Variants in CELF3 observed in about 807,000 individuals in gnomAD.
CELF3 encodes the protein CAG repeat domain.
Under a neutral mutation model 59.6 loss-of-function variants are expected in CELF3, and 26 were observed. That is an observed-to-expected ratio of 0.44 (90% CI 0.32 to 0.61). The LOEUF is 0.61. CELF3 is among the 20% of genes least tolerant of loss of function. CELF3 has a pLI of 0.06. For missense variants in CELF3, 387 were observed against 627.2 expected, an observed-to-expected ratio of 0.62 and a Z score of 4.09; for synonymous variants, 245 against 250.7, an observed-to-expected ratio of 0.98 and a Z score of 0.22.
chr1:151,716,477 G>T lies in CELF3; in HGVS notation c.-457C>A, dbSNP rs1673489114. 6.5e-6 allele frequency: 2 copies of T among 305,846 alleles called. No individual in the cohort carries two copies. The highest frequency in any genetic ancestry group is 5.7e-5 in the South Asian group (2 of 35,246). 18.9% of individuals were successfully genotyped at this position (305,846 alleles called of 1,614,324 possible). A position where few individuals can be genotyped will look rare whatever the true frequency, so the allele number is the denominator to read the frequency against. On this transcript the variant is annotated 5_prime_UTR_variant, in exon 1 of 13. Transcript: ENST00000290583. ...GGGGCCTGCTATGGTTGCCAGCAGC[G>T]TCAGTAAGGGGGGCCCACTCCTGAT...
rs1400199823 is a variant in CELF3 at position 151,705,490 on chromosome 1, C to G, written c.1271-322G>C. The stretch of plus-strand genomic sequence containing the variant: ...AGCAGAGAAGAACATTCCCTTTCTC[C>G]CCTGAGGAAGACTTTCAAAGATGTG... On this transcript the variant is annotated intron_variant, in intron 11 of 12. Coordinates refer to ENST00000290583, the MANE Select transcript of CELF3 (RefSeq NM_007185.7). The surrounding 1 kb of genome is among the most constrained non-coding windows in gnomAD (Gnocchi z 5.1). Among the ~76,000 whole-genome samples, 1 of 152,164 alleles carries G rather than the reference C, an allele frequency of 6.6e-6. No homozygotes were observed. The highest frequency in any genetic ancestry group is 2.4e-5 in the African/African-American group (1 of 41,436).
chr1:151,712,511 C>T (rs866462022), intron 2 of CELF3, among the ~76,000 whole-genome samples: 30 of 152,300 alleles, frequency 2.0e-4, no homozygotes, highest in Middle Eastern at 6.8e-3. Flanking sequence ...GGCCCATGTC[C>T]CCCAAGTGGG....
chr1:151,705,832 G>C lies in CELF3; in HGVS notation c.1260C>G (p.Ser420Arg). Reference sequence around the variant, plus strand: ...ATATCATATTCTTACCAAAACATTTGCTTTGATTGGTGGCTCGGTCAACAA... The same window carrying C: ...ATATCATATTCTTACCAAAACATTTCCTTTGATTGGTGGCTCGGTCAACAA... The part of the protein sequence containing the change: ...KVFVDRATNQ[S>R]KCFGFVSFDN... Residue 420 changes from serine to arginine, a missense_variant, in exon 11 of 13, where the codon AGC becomes AGG. Physicochemically the swap from Ser to Arg is moderately radical, Grantham distance 110. This residue lies in a region of CELF3 where 48 missense variants were observed against 118.8 expected (regional missense o/e 0.40). Transcript: ENST00000290583. The surrounding 1 kb of genome is among the most constrained non-coding windows in gnomAD (Gnocchi z 5.1). 6.2e-7 allele frequency: 1 copy of C among 1,614,106 alleles called. No homozygotes were observed. The highest frequency in any genetic ancestry group is 8.5e-7 in the Non-Finnish European group (1 of 1,180,010).
Position 151,706,107 on chromosome 1 carries a change from C to T in CELF3, c.1126+117G>A, listed in dbSNP as rs1280675506. The stretch of plus-strand genomic sequence containing the variant: ...GTGTGGGCCAAGTCTCCGGCCACTC[C>T]CTCCCCACTTGCTTTCATCCTGACA... On this transcript the variant is annotated intron_variant, in intron 10 of 12. Coordinates refer to ENST00000290583, the MANE Select transcript of CELF3 (RefSeq NM_007185.7). 1.0e-5 allele frequency: 16 copies of T among 1,597,110 alleles called. No homozygotes were observed. In the Admixed American group the frequency reaches 2.7e-4, roughly 27 times the overall value.
rs540071735 is a variant in CELF3, at chr1:151,706,369, G to A, written c.989-8C>T. 3.5e-4 allele frequency: 540 copies of A among 1,542,232 alleles called. No homozygotes were observed. The highest frequency in any genetic ancestry group is 3.3e-3 in the Middle Eastern group (16 of 4,898). On this transcript the variant is annotated splice_region_variant and splice_polypyrimidine_tract_variant and intron_variant, in intron 9 of 12. Coordinates refer to ENST00000290583, the MANE Select transcript of CELF3 (RefSeq NM_007185.7). Reference sequence around the variant, plus strand: ...AGGCTGCTGGGTAGGCTGCTGGGGTGGGGAGAAGAGAGAGGCTGATGGGGC... The same window carrying A: ...AGGCTGCTGGGTAGGCTGCTGGGGTAGGGAGAAGAGAGAGGCTGATGGGGC...
chr1:151,716,256 T>A lies in CELF3; in HGVS notation c.-236A>T. The stretch of plus-strand genomic sequence containing the variant: ...GACGCTGTCATGCCACCAGGGGGCA[T>A]CGCCTAAACAAACGATCTCCCTCCC... On this transcript the variant is annotated 5_prime_UTR_variant, in exon 1 of 13. The change abolishes an upstream ATG in the 5' untranslated region. Transcript: ENST00000290583. 2.1e-6 allele frequency: 1 copy of A among 482,320 alleles called. No homozygotes were observed. The highest frequency in any genetic ancestry group is 3.7e-6 in the Non-Finnish European group (1 of 272,932). The allele number at this position is 482,320 out of a possible 1,614,324, so 29.9% of individuals were successfully genotyped here.
intron 2 of CELF3, among the ~76,000 whole-genome samples, chr1:151,712,985 GC>G (rs768357444): frequency 6.6e-6 from 1 of 152,114 alleles, no homozygotes; most frequent in Non-Finnish European, 1.5e-5. Context: ...AATGCAGGTA[GC>G]AGGAGAAGAC....
Position 151,706,786 on chromosome 1 carries a change from C to T in CELF3, c.923-52G>A, listed in dbSNP as rs796922769. The stretch of plus-strand genomic sequence containing the variant: ...CGTGGACCTGGCACACAGTGGGGGC[C>T]CTCAGTGCCTCTCTGGGCCTCTGGG... On this transcript the variant is annotated intron_variant, in intron 8 of 12. Transcript: ENST00000290583. 10 of 1,383,284 alleles carry T rather than the reference C, an allele frequency of 7.2e-6. No individual in the cohort carries two copies. In the African/African-American group the frequency reaches 1.3e-4, roughly 18 times the overall value. The allele number at this position is 1,383,284 out of a possible 1,614,324, so 85.7% of individuals were successfully genotyped here. A position where few individuals can be genotyped will look rare whatever the true frequency, so the allele number is the denominator to read the frequency against.
intron 7 of CELF3, 95 bp from the exon 8 acceptor site, chr1:151,707,389 C>A: frequency 6.5e-7 from 1 of 1,532,284 alleles, no homozygotes; most frequent in South Asian, 1.2e-5. Context: ...GGGGAGGAAG[C>A]AGGCCTCTCT....
Position 151,716,677 on chromosome 1 carries a change from C to A in CELF3, c.-657G>T. 1 of 313,754 alleles carries A rather than the reference C, an allele frequency of 3.2e-6. No individual in the cohort carries two copies. The allele number at this position is 313,754 out of a possible 1,614,324, so 19.4% of individuals were successfully genotyped here. Reference sequence around the variant, plus strand: ...TTCAGGTCCTCCCCTCAGCCCCCCTCCCACCCCCACCCCAGTCCCCGGGCC... The same window carrying A: ...TTCAGGTCCTCCCCTCAGCCCCCCTACCACCCCCACCCCAGTCCCCGGGCC... On this transcript the variant is annotated 5_prime_UTR_variant, in exon 1 of 13. Transcript: ENST00000290583.
At chr1:151,714,724 A>C in intron 1 of CELF3, 48 bp from the exon 2 acceptor site, 2 of 1,295,638 alleles carry the variant, frequency 1.5e-6, no homozygotes, top group Non-Finnish European at 2.2e-6. Flanking sequence ...TGAGTCCTCC[A>C]TCTCCCCTCT....
rs1299629010 is a variant in CELF3, at chr1:151,702,966, C to T, written c.*493G>A. ...CTGGGAGCCCAGGAATCAGGGATAT[C>T]CTACCTCTAGCTGAGGGTGGAGGGG... is the stretch of plus-strand genomic sequence containing the variant. On this transcript the variant is annotated 3_prime_UTR_variant, in exon 13 of 13. Coordinates refer to ENST00000290583, the MANE Select transcript of CELF3 (RefSeq NM_007185.7). 8.9e-6 allele frequency: 3 copies of T among 336,826 alleles called. No individual in the cohort carries two copies. The East Asian group carries it at 2.3e-4, about 26-fold the overall frequency. 20.9% of individuals were successfully genotyped at this position (336,826 alleles called of 1,614,324 possible).
chr1:151,708,028 G>A (rs1672721160), intron 5 of CELF3, 93 bp from the exon 6 acceptor site: 32 of 1,432,172 alleles, frequency 2.2e-5, no homozygotes, highest in Non-Finnish European at 2.9e-5. Context: ...CACCCCCATG[G>A]CATGGCTTGG....
At chr1:151,707,995 C>T (rs1041821589) in intron 5 of CELF3, 60 bp from the exon 6 acceptor site, 2 of 1,537,764 alleles carry the variant, frequency 1.3e-6, no homozygotes, top group Non-Finnish European at 1.8e-6. Flanking sequence ...CTCCCCAAAG[C>T]CCTCAGGACC....
Position 151,701,923 on chromosome 1 carries a change from A to G in CELF3, c.*1536T>C, listed in dbSNP as rs1160379651. ...GAGTGACAGAGTGAGACCCTGTTTC[A>G]AAGTAAATAAGTAAAATAAATAAAC... On this transcript the variant is annotated 3_prime_UTR_variant, in exon 13 of 13. Transcript: ENST00000290583. 1.3e-4 allele frequency among the ~76,000 whole-genome samples: 20 copies of G among 152,194 alleles called. No individual in the cohort carries two copies. Among genetic ancestry groups the G allele is most frequent in the Admixed American group, 1.3e-3 (20 of 15,286 alleles).
At chr1:151,715,650 G>A (rs374623824) in intron 1 of CELF3, 34 of 1,504,522 alleles carry the variant, frequency 2.3e-5, no homozygotes, top group Non-Finnish European at 2.8e-5. Flanking sequence ...CTTTGCAGCC[G>A]TCTTGACAAC....
At position 151,709,609 on chromosome 1, in the gene CELF3, C is replaced by T. The variant is rs531896879; in HGVS notation, c.277+134G>A. 67 of 1,039,734 alleles carry T rather than the reference C, an allele frequency of 6.4e-5. 3 individuals carry two copies. In the South Asian group the frequency reaches 8.1e-4, roughly 13 times the overall value. 64.4% of individuals were successfully genotyped at this position (1,039,734 alleles called of 1,614,324 possible). A position where few individuals can be genotyped will look rare whatever the true frequency, so the allele number is the denominator to read the frequency against. ...CTCACCCGCTCTGGCCACACTGACT[C>T]CTATCTCACCGCAGCTGGGAACTCT... On this transcript the variant is annotated intron_variant, in intron 3 of 12. Coordinates refer to ENST00000290583, the MANE Select transcript of CELF3 (RefSeq NM_007185.7). The surrounding 1 kb of genome is among the most constrained non-coding windows in gnomAD (Gnocchi z 4.9).
chr1:151,706,035 C>A (rs900767063), intron 10 of CELF3, 70 bp from the exon 11 acceptor site: 6 of 1,598,602 alleles, frequency 3.8e-6, no homozygotes, highest in Non-Finnish European at 4.3e-6. Flanking sequence ...GCAAATGTCC[C>A]AGGGAAAGCA....
chr1:151,711,088 G>A (rs1672983688), intron 2 of CELF3: 1 of 334,794 alleles, frequency 3.0e-6, no homozygotes, highest in South Asian at 2.4e-5. Context: ...GGAGTCAGGA[G>A]ACCTGGATTT....
Sources: gnomAD v4.1 joint callset for allele counts (sites outside exome capture counted in the v4.1 genomes callset) on GRCh38, gnomAD v4.1.1 for gene constraint, gnomAD v4.1.1 regional missense constraint, Gnocchi (gnomAD v3.1) non-coding constraint, MANE v1.5 for transcripts, NCBI Gene and HGNC (gene_info 2026-07-23, HGNC 2026-07-21) for gene names.